TMEM164: variants seen among roughly 807,000 people sequenced by gnomAD.
TMEM164 encodes RP13-360B22.2.
TMEM164 carries 4 observed loss-of-function variants against 18.8 expected under a neutral mutation model. The observed-to-expected ratio is 0.21, with a 90% CI of 0.10 to 0.49. TMEM164 has a LOEUF of 0.49. Among genes scored for constraint, TMEM164 ranks in the 20% least tolerant of loss-of-function variants. TMEM164 has a pLI of 0.98. For missense variants in TMEM164, 108 were observed against 239.9 expected (o/e 0.45, Z 3.63); for synonymous variants, 86 against 101.7 (o/e 0.85, Z 0.93).
At chrX:110,054,691 C>T (rs1482955240) in intron 2 of TMEM164, among the ~76,000 whole-genome samples, 3 of 111,826 alleles carry the variant, frequency 2.7e-5, no homozygotes, top group Non-Finnish European at 3.8e-5. Context: ...TTGAGGGTGT[C>T]TGTGCCTTGG....
At chrX:110,016,813 C>T (rs900889389) in intron 2 of TMEM164, among the ~76,000 whole-genome samples, 7 of 110,572 alleles carry the variant, frequency 6.3e-5, no homozygotes, top group African/African-American at 2.0e-4. Flanking sequence ...CGCATCACCA[C>T]GCCCAGCTAA....
At chrX:110,144,662 G>T in intron 4 of TMEM164, 136 bp from the exon 5 acceptor site, 1 of 368,921 alleles carries the variant, frequency 2.7e-6, no homozygotes, top group Non-Finnish European at 4.8e-6. Context: ...TCCTGCAATT[G>T]TAAAGAGAAG....
At chrX:110,052,091 T>C (rs1246375501) in intron 2 of TMEM164, among the ~76,000 whole-genome samples, 1 of 111,511 alleles carries the variant, frequency 9.0e-6, no homozygotes, top group Non-Finnish European at 1.9e-5. Context: ...TATTTTTTTT[T>C]CCTTAATATC....
At chrX:110,181,930 G>T (rs1337481515), downstream of TMEM164, among the ~76,000 whole-genome samples, 2 of 111,901 alleles carry the variant, frequency 1.8e-5, no homozygotes, top group Non-Finnish European at 3.8e-5. Context: ...GCCTTAATGT[G>T]CCCTGTGTGG....
At chrX:110,076,232 A>AT (rs2065670241) in intron 3 of TMEM164, among the ~76,000 whole-genome samples, 1 of 109,696 alleles carries the variant, frequency 9.1e-6, no homozygotes, top group African/African-American at 3.3e-5. Flanking sequence ...GAATCTATCC[A>AT]TTTTCTCTAG....
intron 2 of TMEM164, among the ~76,000 whole-genome samples, chrX:110,038,955 T>C (rs1934973026): frequency 9.0e-6 from 1 of 111,340 alleles, no homozygotes; most frequent in Non-Finnish European, 1.9e-5. Flanking sequence ...ATCATGAAGG[T>C]GGTATAGTTT....
At chrX:110,048,195 C>T (rs755671484) in intron 2 of TMEM164, among the ~76,000 whole-genome samples, 12 of 111,355 alleles carry the variant, frequency 1.1e-4, no homozygotes, top group African/African-American at 2.6e-4. Context: ...GTTCCCTGAA[C>T]GCATCTTTGT....
At chrX:110,087,699 C>A (rs918068430) in intron 3 of TMEM164, among the ~76,000 whole-genome samples, 6 of 111,202 alleles carry the variant, frequency 5.4e-5, no homozygotes, top group African/African-American at 2.0e-4. Flanking sequence ...TAGCAGAGCG[C>A]TGACACACAT....
rs1490121803 is a variant in TMEM164, at chrX:110,176,530, G to A, written c.*3079G>A. On this transcript the variant is annotated 3_prime_UTR_variant, in exon 7 of 7. Transcript: ENST00000372068. The stretch of plus-strand genomic sequence containing the variant: ...CGCCGGGCTAACCAGGGTGATCGGC[G>A]AACTTTACCGTACAGTACCTCAGTC... The A allele has an allele frequency of 4.5e-6, 2 of 447,919 alleles. No homozygotes were observed. The highest frequency in any genetic ancestry group is 2.7e-5 in the African/African-American group (1 of 37,175). 36.9% of individuals were successfully genotyped at this position (447,919 alleles called of 1,213,427 possible). A position where few individuals can be genotyped will look rare whatever the true frequency, so the allele number is the denominator to read the frequency against.
intron 2 of TMEM164, among the ~76,000 whole-genome samples, chrX:110,021,766 T>G (rs1394124696): frequency 8.9e-6 from 1 of 112,427 alleles, no homozygotes; most frequent in African/African-American, 3.2e-5. Context: ...TCGCCTTCTC[T>G]AACGGTAGGT....
intron 2 of TMEM164, among the ~76,000 whole-genome samples, chrX:110,052,987 A>G (rs149296052): frequency 7.2e-4 from 80 of 110,487 alleles, no homozygotes; most frequent in African/African-American, 2.5e-3. Context: ...TTTTCACCTC[A>G]TGATCTGCCC....
At chrX:110,075,062 G>A (rs1170914121) in intron 3 of TMEM164, among the ~76,000 whole-genome samples, 1 of 111,803 alleles carries the variant, frequency 8.9e-6, no homozygotes, top group East Asian at 2.8e-4. Context: ...ATGGCCATTT[G>A]AACAATGTTG....
Position 110,004,079 on chromosome X carries a change from C to A in TMEM164, c.305C>A (p.Thr102Asn). Residue 102 changes from threonine (T) to asparagine (N), a missense_variant, in exon 2 of 7, where the codon ACC becomes AAC. Physicochemically the swap from Thr to Asn is moderately conservative, Grantham distance 65. Coordinates refer to ENST00000372068, the MANE Select transcript of TMEM164 (RefSeq NM_032227.4). ...KNLLLVALCL[T>N]FGVEVGFKFA... Reference sequence around the variant, plus strand: ...CTGCTCTTAGTAGCCCTGTGCCTGACCTTCGGGGTGGAGGTGGGCTTTAAG... The same window carrying A: ...CTGCTCTTAGTAGCCCTGTGCCTGAACTTCGGGGTGGAGGTGGGCTTTAAG... 8.3e-7 allele frequency: 1 copy of A among 1,211,012 alleles called. No homozygotes were observed. The highest frequency in any genetic ancestry group is 1.8e-5 in the South Asian group (1 of 56,908).
intron 2 of TMEM164, among the ~76,000 whole-genome samples, chrX:110,039,191 G>A (rs1481605717): frequency 8.9e-6 from 1 of 112,324 alleles, no homozygotes; most frequent in African/African-American, 3.2e-5. Context: ...CTCAATAAAA[G>A]GTAGTTGTTA....
intron 2 of TMEM164, among the ~76,000 whole-genome samples, chrX:110,022,199 A>ATGTGTGTGTGTG (rs754713777): frequency 3.7e-5 from 4 of 107,592 alleles, no homozygotes; most frequent in African/African-American, 1.4e-4. Flanking sequence ...ACCACTAGAA[A>ATGTGTGTGTGTG]TGTGTGTGTG....
In TMEM164 at chrX:110,107,158, C is replaced by T. The variant is rs762448669; in HGVS notation, c.441-1922C>T. ...AGGGAAAGAGGAACATTCTAACCTT[C>T]CACCTGAGGTCATACTTTGGCAGGA... is the stretch of plus-strand genomic sequence containing the variant. On this transcript the variant is annotated intron_variant, in intron 3 of 6. Coordinates refer to ENST00000372068, the MANE Select transcript of TMEM164 (RefSeq NM_032227.4). Among the ~76,000 whole-genome samples, 3 of 111,854 alleles carry T rather than the reference C, an allele frequency of 2.7e-5. No individual in the cohort carries two copies. In the South Asian group the frequency reaches 1.1e-3, roughly 41 times the overall value.
intron 2 of TMEM164, among the ~76,000 whole-genome samples, chrX:110,016,664 TTTG>T (rs1933390091): frequency 9.0e-6 from 1 of 110,753 alleles, no homozygotes. Flanking sequence ...CATGTAATTT[TTTG>T]TTTTTTTGAA....
At chrX:110,035,932 T>G (rs745564939) in intron 2 of TMEM164, among the ~76,000 whole-genome samples, 30 of 111,155 alleles carry the variant, frequency 2.7e-4, no homozygotes, top group Non-Finnish European at 5.3e-4. Context: ...TTTTGTTGTT[T>G]TTTTTTAAAA....
At chrX:110,042,350 A>T (rs1434047076) in intron 2 of TMEM164, among the ~76,000 whole-genome samples, 5 of 112,083 alleles carry the variant, frequency 4.5e-5, no homozygotes, top group Non-Finnish European at 9.4e-5. Flanking sequence ...TGTAGCATGT[A>T]TCAGAACTTT....
Sources: gnomAD v4.1 joint callset for allele counts (sites outside exome capture counted in the v4.1 genomes callset) on GRCh38, gnomAD v4.1.1 for gene constraint, MANE v1.5 for transcripts, NCBI Gene and HGNC (gene_info 2026-07-23, HGNC 2026-07-21) for gene names.